The following NUDT5 variants were observed in gnomAD, a reference collection of about 807,000 sequenced individuals.
NUDT5 encodes the protein nudix hydrolase 5, also known as ADP-sugar pyrophosphatase.
NUDT5 carries 21 observed loss-of-function variants against 34.1 expected under a neutral mutation model. The observed-to-expected ratio is 0.62, with a 90% CI of 0.44 to 0.89. NUDT5 has a LOEUF of 0.89. Among genes scored for constraint, NUDT5 ranks in the 40% least tolerant of loss-of-function variants. NUDT5 has a pLI of 0.00. For synonymous variants in NUDT5, 85 were observed against 97.6 expected, an observed-to-expected ratio of 0.87 and a Z score of 0.76; for missense variants, 249 against 274.8, an observed-to-expected ratio of 0.91 and a Z score of 0.66.
At position 12,173,665 on chromosome 10, in the gene NUDT5, C is replaced by G; in HGVS notation, c.385+53G>C. On this transcript the variant is annotated intron_variant, in intron 6 of 9. Coordinates refer to ENST00000491614, the MANE Select transcript of NUDT5 (RefSeq NM_014142.4). This position sits in a 1 kb window ranked among gnomAD's most constrained non-coding sequence, Gnocchi z 4.7. ...CGTAAAGAACACCCAAATAATCAAT[C>G]CCTTCCCAGACGGAGGAATCCATCA... 1 of 1,306,512 alleles carries G rather than the reference C, an allele frequency of 7.7e-7. No homozygotes were observed. Among genetic ancestry groups the G allele is most frequent in the Non-Finnish European group, 1.1e-6 (1 of 899,918 alleles). The allele number at this position is 1,306,512 out of a possible 1,614,324, so 80.9% of individuals were successfully genotyped here.
At chr10:12,176,066 A>G (rs886588746) in intron 5 of NUDT5, among the ~76,000 whole-genome samples, 32 of 150,768 alleles carry the variant, frequency 2.1e-4, no homozygotes, top group African/African-American at 4.4e-4. Flanking sequence ...GTGTGGTGGC[A>G]CATGCCTGTA....
rs367603451 is a variant in NUDT5 at position 12,170,788 on chromosome 10, A to G, written c.497-18T>C. 17 of 1,613,968 alleles carry G rather than the reference A, an allele frequency of 1.1e-5. No individual in the cohort carries two copies. Among genetic ancestry groups the G allele is most frequent in the Non-Finnish European group, 1.3e-5 (15 of 1,179,924 alleles). ...CACAAACTCTAAACAGACAAAGTGC[A>G]AGTGAAAACAAAGCTAACGTCAAGA... On this transcript the variant is annotated intron_variant, in intron 8 of 9. Transcript: ENST00000491614. This position sits in a 1 kb window ranked among gnomAD's most constrained non-coding sequence, Gnocchi z 4.9.
chr10:12,169,735 T>G lies in NUDT5; in HGVS notation c.550+982A>C. 4.5e-6 allele frequency: 1 copy of G among 222,130 alleles called. No individual in the cohort carries two copies. The highest frequency in any genetic ancestry group is 1.0e-4 in the East Asian group (1 of 9,952). The allele number at this position is 222,130 out of a possible 1,614,324, so 13.8% of individuals were successfully genotyped here. A position where few individuals can be genotyped will look rare whatever the true frequency, so the allele number is the denominator to read the frequency against. On this transcript the variant is annotated intron_variant, in intron 9 of 9. Coordinates refer to ENST00000491614, the MANE Select transcript of NUDT5 (RefSeq NM_014142.4). The surrounding 1 kb of genome is among the most constrained non-coding windows in gnomAD (Gnocchi z 4.8). ...ATCACAGCAGCCTTTGAAAGACACA[T>G]TCAGATTTTCAAACAAACAACAGAC... is the stretch of plus-strand genomic sequence containing the variant.
At chr10:12,172,609 A>G (rs1230280251) in intron 7 of NUDT5, 156 bp downstream of exon 7, 2 of 609,846 alleles carry the variant, frequency 3.3e-6, no homozygotes, top group Admixed American at 3.0e-5. Context: ...GCTAAAATAC[A>G]TGATTAGGAA....
In NUDT5 at chr10:12,169,328, A is replaced by C; in HGVS notation, c.550+1389T>G. ...TACAAAAAGGATACTCTTCTACTAA[A>C]AGATAACCCCGCACGGCATTTCACA... On this transcript the variant is annotated intron_variant, in intron 9 of 9. Coordinates refer to ENST00000491614, the MANE Select transcript of NUDT5 (RefSeq NM_014142.4). This position sits in a 1 kb window ranked among gnomAD's most constrained non-coding sequence, Gnocchi z 4.8. The C allele has an allele frequency of 6.4e-7, 1 of 1,550,978 alleles. No individual in the cohort carries two copies. The highest frequency in any genetic ancestry group is 8.7e-7 in the Non-Finnish European group (1 of 1,144,764).
intron 1 of NUDT5, among the ~76,000 whole-genome samples, chr10:12,193,293 AC>A (rs1835267605): frequency 6.6e-6 from 1 of 152,188 alleles, no homozygotes; most frequent in Non-Finnish European, 1.5e-5. Context: ...AAATCTGTAC[AC>A]GCTTGTTTGA....
chr10:12,175,385 C>A lies in NUDT5; in HGVS notation c.290-1572G>T, dbSNP rs1834931118. Among the ~76,000 whole-genome samples the A allele has an allele frequency of 6.6e-6, 1 of 152,074 alleles. No individual in the cohort carries two copies. The highest frequency in any genetic ancestry group is 1.5e-5 in the Non-Finnish European group (1 of 68,004). ...CTCAGGCTGGGTGTGGTGGCTCACG[C>A]CTGTAATCCCAACACTTTGGGAGGC... On this transcript the variant is annotated intron_variant, in intron 5 of 9. Coordinates refer to ENST00000491614, the MANE Select transcript of NUDT5 (RefSeq NM_014142.4). This position sits in a 1 kb window ranked among gnomAD's most constrained non-coding sequence, Gnocchi z 4.8.
In NUDT5 at chr10:12,169,542, C is replaced by A. The variant is rs1834805247; in HGVS notation, c.550+1175G>T. Reference sequence around the variant, plus strand: ...GCGCTGCCTCGTATTGATTGTCATGCCTTTCTCCAAATACGCACCAGATAA... The same window carrying A: ...GCGCTGCCTCGTATTGATTGTCATGACTTTCTCCAAATACGCACCAGATAA... On this transcript the variant is annotated intron_variant, in intron 9 of 9. Transcript: ENST00000491614. This position sits in a 1 kb window ranked among gnomAD's most constrained non-coding sequence, Gnocchi z 4.8. 4.2e-6 allele frequency: 2 copies of A among 475,762 alleles called. No homozygotes were observed. The highest frequency in any genetic ancestry group is 5.4e-4 in the Middle Eastern group (1 of 1,844). 29.5% of individuals were successfully genotyped at this position (475,762 alleles called of 1,614,324 possible). A position where few individuals can be genotyped will look rare whatever the true frequency, so the allele number is the denominator to read the frequency against.
intron 3 of NUDT5, chr10:12,184,448 A>G (rs1395969534): frequency 6.6e-7 from 1 of 1,524,878 alleles, no homozygotes; most frequent in Non-Finnish European, 8.9e-7. Context: ...TAGGGTGTAC[A>G]AAATGTTTTT....
At chr10:12,177,250 G>GGT (rs1809696230) in intron 5 of NUDT5, among the ~76,000 whole-genome samples, 2 of 151,938 alleles carry the variant, frequency 1.3e-5, no homozygotes, top group Non-Finnish European at 2.9e-5. Flanking sequence ...CAGGGTGCAA[G>GGT]GGCTCACGCC....
Position 12,177,412 on chromosome 10 carries a change from G to A in NUDT5, c.289+381C>T, listed in dbSNP as rs554494877. Among the ~76,000 whole-genome samples the A allele has an allele frequency of 1.6e-3, 236 of 147,576 alleles. 1 individual carries two copies. Among genetic ancestry groups the A allele is most frequent in the African/African-American group, 5.6e-3 (223 of 39,986 alleles). ...CGGGCGCCTGTAGTCCCAGCCACTC[G>A]GGAGGCTGAAGCAGGAGAATTGCTT... is the stretch of plus-strand genomic sequence containing the variant. On this transcript the variant is annotated intron_variant, in intron 5 of 9. Transcript: ENST00000491614.
intron 3 of NUDT5, chr10:12,184,455 T>A: frequency 6.5e-7 from 1 of 1,537,392 alleles, no homozygotes; most frequent in African/African-American, 1.4e-5. Flanking sequence ...TACAAAATGT[T>A]TTTTTCCCAA....
At position 12,166,949 on chromosome 10, in the gene NUDT5, C is replaced by T. The variant is rs1036508049; in HGVS notation, c.*753G>A. The stretch of plus-strand genomic sequence containing the variant: ...ATGGTTTAACATCAAGATATTACTG[C>T]CCCAAACATGTCAGTCTTACAGATT... On this transcript the variant is annotated 3_prime_UTR_variant, in exon 10 of 10. Transcript: ENST00000491614. 42 of 250,158 alleles carry T rather than the reference C, an allele frequency of 1.7e-4. No homozygotes were observed. Among genetic ancestry groups the T allele is most frequent in the Admixed American group, 1.6e-3 (31 of 19,604 alleles). The allele number at this position is 250,158 out of a possible 1,614,324, so 15.5% of individuals were successfully genotyped here.
Position 12,173,389 on chromosome 10 carries a change from A to C in NUDT5, c.385+329T>G, listed in dbSNP as rs1305649801. Among the ~76,000 whole-genome samples, 1 of 152,120 alleles carries C rather than the reference A, an allele frequency of 6.6e-6. No individual in the cohort carries two copies. The highest frequency in any genetic ancestry group is 2.4e-5 in the African/African-American group (1 of 41,420). On this transcript the variant is annotated intron_variant, in intron 6 of 9. Transcript: ENST00000491614. The surrounding 1 kb of genome is among the most constrained non-coding windows in gnomAD (Gnocchi z 4.7). ...CGGCTAATTTTTGTATTTTTAGTAG[A>C]GATGGGTTTCACCATGTTGGTCAGG... is the stretch of plus-strand genomic sequence containing the variant.
intron 1 of NUDT5, among the ~76,000 whole-genome samples, chr10:12,189,672 A>G (rs1198562178): frequency 1.3e-5 from 2 of 152,226 alleles, no homozygotes; most frequent in Non-Finnish European, 2.9e-5. Flanking sequence ...CACGCTGCAG[A>G]AAGAACGAGA....
rs1003490765 is a variant in NUDT5, at chr10:12,193,035, A to T, written c.-42+2735T>A. ...TTATGCTACTTGGTGATCTCCAGGA[A>T]TCATTTAGCAGGTGGTTTAAAATCC... On this transcript the variant is annotated intron_variant, in intron 1 of 9. Transcript: ENST00000491614. Among the ~76,000 whole-genome samples, 9 of 152,132 alleles carry T rather than the reference A, an allele frequency of 5.9e-5. No homozygotes were observed. The East Asian group carries it at 1.2e-3, about 20-fold the overall frequency.
intron 3 of NUDT5, among the ~76,000 whole-genome samples, chr10:12,180,985 A>G (rs1835032931): frequency 6.6e-6 from 1 of 152,148 alleles, no homozygotes; most frequent in Non-Finnish European, 1.5e-5. Flanking sequence ...TTAACCCCAC[A>G]TCCCCTTTCA....
chr10:12,167,937 G>A (rs954200109), intron 9 of NUDT5, 126 bp from the exon 10 acceptor site: 66 of 1,436,730 alleles, frequency 4.6e-5, no homozygotes, highest in African/African-American at 8.8e-5. Flanking sequence ...TGGTGATAAC[G>A]TTTTTTTTGG....
At position 12,169,538 on chromosome 10, in the gene NUDT5, C is replaced by A; in HGVS notation, c.550+1179G>T. ...AGCTGCGCTGCCTCGTATTGATTGT[C>A]ATGCCTTTCTCCAAATACGCACCAG... On this transcript the variant is annotated intron_variant, in intron 9 of 9. Coordinates refer to ENST00000491614, the MANE Select transcript of NUDT5 (RefSeq NM_014142.4). The surrounding 1 kb of genome is among the most constrained non-coding windows in gnomAD (Gnocchi z 4.8). 1 of 482,594 alleles carries A rather than the reference C, an allele frequency of 2.1e-6. No homozygotes were observed. The highest frequency in any genetic ancestry group is 3.7e-6 in the Non-Finnish European group (1 of 272,770). 29.9% of individuals were successfully genotyped at this position (482,594 alleles called of 1,614,324 possible). A position where few individuals can be genotyped will look rare whatever the true frequency, so the allele number is the denominator to read the frequency against.
Sources: allele counts gnomAD v4.1 joint callset (sites outside exome capture counted in the v4.1 genomes callset), GRCh38; gene constraint gnomAD v4.1.1; non-coding constraint Gnocchi (gnomAD v3.1); transcripts MANE v1.5; gene names NCBI Gene and HGNC (gene_info 2026-07-23, HGNC 2026-07-21).